The following GRID1 variants were observed in gnomAD, a reference collection of about 807,000 sequenced individuals.
GRID1 encodes glutamate ionotropic receptor delta type subunit 1.
In GRID1, 28 loss-of-function variants were observed where a neutral mutation model predicts 98.0. That is an observed-to-expected ratio of 0.29 (90% CI 0.21 to 0.39). The LOEUF (loss-of-function observed/expected upper bound fraction) is 0.39, where lower values mean the gene tolerates loss of function less well. Among genes scored for constraint, GRID1 ranks in the 10% least tolerant of loss-of-function variants. The pLI, the probability that GRID1 is intolerant of heterozygous loss-of-function variation, is 1.00. For synonymous variants in GRID1, 553 were observed against 538.5 expected, an observed-to-expected ratio of 1.03 and a Z score of -0.37; for missense variants, 1,111 against 1,340.5, an observed-to-expected ratio of 0.83 and a Z score of 2.67.
chr10:86,237,616 C>T (rs550505778), intron 2 of GRID1, among the ~76,000 whole-genome samples: 171 of 151,748 alleles, frequency 1.1e-3, no homozygotes, highest in Middle Eastern at 3.4e-3. Flanking sequence ...AGGAGAATGG[C>T]ATGAACCCAG....
intron 12 of GRID1, among the ~76,000 whole-genome samples, chr10:85,705,462 A>T (rs1841504846): frequency 2.0e-5 from 3 of 152,208 alleles, no homozygotes; most frequent in Non-Finnish European, 4.4e-5. Context: ...TGAGGCAATA[A>T]TTAATAGCTT....
chr10:85,978,035 G>A (rs980235588), intron 4 of GRID1, among the ~76,000 whole-genome samples: 1 of 152,220 alleles, frequency 6.6e-6, no homozygotes, highest in Non-Finnish European at 1.5e-5. Context: ...CCAGCTCTCT[G>A]AAAACATACT....
chr10:85,955,854 C>A (rs1842182527), intron 4 of GRID1, among the ~76,000 whole-genome samples: 1 of 152,180 alleles, frequency 6.6e-6, no homozygotes, highest in Non-Finnish European at 1.5e-5. Flanking sequence ...CCCCTTCTGA[C>A]CCCTGAGGCT....
At chr10:86,311,605 A>C (rs199921570) in intron 2 of GRID1, among the ~76,000 whole-genome samples, 1 of 152,204 alleles carries the variant, frequency 6.6e-6, no homozygotes, top group Non-Finnish European at 1.5e-5. Flanking sequence ...AGAGTGGAAA[A>C]AAAAAAATGC....
At chr10:86,148,623 C>A (rs968084097) in intron 3 of GRID1, among the ~76,000 whole-genome samples, 12 of 151,740 alleles carry the variant, frequency 7.9e-5, no homozygotes, top group African/African-American at 1.2e-4. Flanking sequence ...GTGTTCTCAC[C>A]ACAAAAAAAT....
Position 85,861,194 on chromosome 10 carries a change from A to G in GRID1, c.952-5004T>C, listed in dbSNP as rs778967313. ...CCAACACCACTCGTTCTCTCCCACA[A>G]AGCCCCTTGGGTCCCTAAAGCCTTC... On this transcript the variant is annotated intron_variant, in intron 6 of 15. Coordinates refer to ENST00000327946, the MANE Select transcript of GRID1 (RefSeq NM_017551.3). 3.9e-5 allele frequency among the ~76,000 whole-genome samples: 6 copies of G among 152,146 alleles called. No homozygotes were observed. The South Asian group carries it at 8.3e-4, about 21-fold the overall frequency.
intron 5 of GRID1, among the ~76,000 whole-genome samples, chr10:85,884,400 A>G (rs970174186): frequency 5.9e-5 from 9 of 152,018 alleles, no homozygotes; most frequent in African/African-American, 2.2e-4. Flanking sequence ...GCTATAATTT[A>G]TATTTGTTTC....
intron 2 of GRID1, among the ~76,000 whole-genome samples, chr10:86,292,356 C>T (rs909892308): frequency 6.6e-6 from 1 of 152,244 alleles, no homozygotes; most frequent in Non-Finnish European, 1.5e-5. Context: ...CCAAGATGCA[C>T]AGGGTGACAT....
At chr10:85,949,322 T>C (rs978522275) in intron 4 of GRID1, among the ~76,000 whole-genome samples, 4 of 152,222 alleles carry the variant, frequency 2.6e-5, no homozygotes, top group Non-Finnish European at 4.4e-5. Flanking sequence ...TTGGGCATCC[T>C]TCCAGACCCT....
At chr10:86,184,810 T>C (rs945011442) in intron 3 of GRID1, among the ~76,000 whole-genome samples, 1 of 152,198 alleles carries the variant, frequency 6.6e-6, no homozygotes, top group Non-Finnish European at 1.5e-5. Context: ...AACACTGCAG[T>C]ATAGAAACAT....
At chr10:85,732,796 T>C (rs1459132200) in intron 8 of GRID1, among the ~76,000 whole-genome samples, 3 of 152,204 alleles carry the variant, frequency 2.0e-5, no homozygotes, top group African/African-American at 7.2e-5. Context: ...CTTTTCAGCT[T>C]GGCCTAAAAG....
intron 8 of GRID1, among the ~76,000 whole-genome samples, chr10:85,769,438 G>A (rs576477294): frequency 1.7e-4 from 26 of 152,330 alleles, no homozygotes; most frequent in African/African-American, 5.5e-4. Context: ...CTGGGGTACC[G>A]GGTTCATCTC....
Position 85,968,450 on chromosome 10 carries a change from CAAAAAA to C in GRID1, c.727-52217_727-52212del, listed in dbSNP as rs56938729. 1.6e-3 allele frequency among the ~76,000 whole-genome samples: 165 copies of C among 102,426 alleles called. 3 individuals carry two copies. In the South Asian group the frequency reaches 0.045, roughly 28 times the overall value. 67.2% of individuals were successfully genotyped at this position (102,426 alleles called of 152,430 possible). A position where few individuals can be genotyped will look rare whatever the true frequency, so the allele number is the denominator to read the frequency against. On this transcript the variant is annotated intron_variant, in intron 4 of 15. Coordinates refer to ENST00000327946, the MANE Select transcript of GRID1 (RefSeq NM_017551.3). ...TGGACGACACAGCAAGACTCTGTCT[CAAAAAA>C]AAAAAAAAAAAAAAGACAACTGCCT...
At chr10:86,259,969 T>C (rs1411951880) in intron 2 of GRID1, among the ~76,000 whole-genome samples, 1 of 152,366 alleles carries the variant, frequency 6.6e-6, no homozygotes, top group South Asian at 2.1e-4. Context: ...TGGTTTCTCC[T>C]TGTGAATTAA....
At position 86,338,666 on chromosome 10, in the gene GRID1, T is replaced by A. The variant is rs543335414; in HGVS notation, c.235+25275A>T. On this transcript the variant is annotated intron_variant, in intron 2 of 15. Transcript: ENST00000327946. ...TCCGCCTCCCGGGTTCAAACAGTTC[T>A]CCTGCCTCAGCCTCCCGAGTAGCTG... Among the ~76,000 whole-genome samples the A allele has an allele frequency of 8.5e-5, 13 of 152,186 alleles. No individual in the cohort carries two copies. The South Asian group carries it at 2.7e-3, about 32-fold the overall frequency.
At chr10:85,842,319 A>G (rs574449651) in intron 8 of GRID1, among the ~76,000 whole-genome samples, 4 of 152,124 alleles carry the variant, frequency 2.6e-5, no homozygotes, top group African/African-American at 9.6e-5. Context: ...CCTATTGGAG[A>G]GCAGAGGATG....
At chr10:85,719,788 A>T (rs1034099966) in intron 12 of GRID1, among the ~76,000 whole-genome samples, 4 of 152,208 alleles carry the variant, frequency 2.6e-5, no homozygotes, top group Non-Finnish European at 4.4e-5. Flanking sequence ...CTTCATACAG[A>T]AATTCACTCA....
intron 5 of GRID1, among the ~76,000 whole-genome samples, chr10:85,888,573 A>T (rs1017643290): frequency 3.3e-5 from 5 of 151,996 alleles, no homozygotes; most frequent in East Asian, 1.9e-4. Context: ...TCTCCCTGCC[A>T]ATGAGACTAG....
At chr10:85,690,065 A>T (rs1465116806) in intron 12 of GRID1, among the ~76,000 whole-genome samples, 1 of 152,172 alleles carries the variant, frequency 6.6e-6, no homozygotes, top group Non-Finnish European at 1.5e-5. Flanking sequence ...CACCCAACTT[A>T]TCAACATTAT....
Sources: allele counts gnomAD v4.1 joint callset (sites outside exome capture counted in the v4.1 genomes callset), GRCh38; gene constraint gnomAD v4.1.1; transcripts MANE v1.5; gene names NCBI Gene and HGNC (gene_info 2026-07-23, HGNC 2026-07-21).